ACLY: variants seen among roughly 807,000 people sequenced by gnomAD.
ACLY encodes the protein ATP citrate lyase.
ACLY carries 41 observed loss-of-function variants against 133.0 expected under a neutral mutation model. The observed-to-expected ratio is 0.31, with a 90% confidence interval of 0.24 to 0.40. The LOEUF is 0.40. Among genes scored for constraint, ACLY ranks in the 10% least tolerant of loss-of-function variants. ACLY has a pLI of 1.00. For missense variants in ACLY, 1,046 were observed against 1,453.8 expected, an observed-to-expected ratio of 0.72 and a Z score of 4.56; for synonymous variants, 495 against 549.3, an observed-to-expected ratio of 0.90 and a Z score of 1.38.
At chr17:41,904,208 AAAGG>A (rs2049628378) in intron 10 of ACLY, among the ~76,000 whole-genome samples, 1 of 74,512 alleles carries the variant, frequency 1.3e-5, no homozygotes, top group South Asian at 7.2e-4. Context: ...GGGAGGGAGG[AAAGG>A]AAGGGAGGGA....
chr17:41,892,035 C>G (rs369478134), intron 16 of ACLY, among the ~76,000 whole-genome samples: 2 of 152,118 alleles, frequency 1.3e-5, no homozygotes, highest in African/African-American at 2.4e-5. Flanking sequence ...AGATAAGCAG[C>G]CTCTGCCCAG....
At position 41,909,077 on chromosome 17, in the gene ACLY, G is replaced by A; in HGVS notation, c.537-9C>T. 9 of 1,607,190 alleles carry A rather than the reference G, an allele frequency of 5.6e-6. No individual in the cohort carries two copies. The highest frequency in any genetic ancestry group is 7.7e-6 in the Non-Finnish European group (9 of 1,176,244). ...TAAAACTGGCCAGAATTCTAGAGGT[G>A]GGAGGGAGAGAGGGACAGTTCATCC... On this transcript the variant is annotated splice_polypyrimidine_tract_variant and intron_variant, in intron 5 of 28. Transcript: ENST00000352035.
intron 22 of ACLY, among the ~76,000 whole-genome samples, chr17:41,874,814 C>T (rs1052154079): frequency 1.4e-5 from 2 of 142,760 alleles, no homozygotes; most frequent in African/African-American, 5.2e-5. Context: ...ACCTCATGAT[C>T]CGCCTGCCTC....
intron 1 of ACLY, among the ~76,000 whole-genome samples, chr17:41,924,292 G>A (rs1456787754): frequency 4.6e-5 from 7 of 151,582 alleles, no homozygotes; most frequent in Admixed American, 4.0e-4. Flanking sequence ...CTACAGGCAC[G>A]TGCCACCACA....
intron 13 of ACLY, among the ~76,000 whole-genome samples, chr17:41,897,454 C>CT (rs1318539940): frequency 6.6e-6 from 1 of 152,032 alleles, no homozygotes; most frequent in Admixed American, 6.6e-5. Context: ...TTCTGTAACC[C>CT]TATCTCCTCC....
intron 26 of ACLY, 31 bp downstream of exon 26, chr17:41,869,443 T>C (rs368520691): frequency 6.4e-7 from 1 of 1,563,956 alleles, no homozygotes; most frequent in African/African-American, 1.4e-5. Flanking sequence ...TTGTCCAACG[T>C]GAGGGAATTA....
chr17:41,887,257 G>A (rs1457720923), intron 17 of ACLY, among the ~76,000 whole-genome samples: 1 of 151,530 alleles, frequency 6.6e-6, no homozygotes, highest in African/African-American at 2.4e-5. Context: ...TGACCAACAT[G>A]GTGAAATCCC....
intron 25 of ACLY, among the ~76,000 whole-genome samples, chr17:41,871,352 T>C (rs1301374992): frequency 8.2e-6 from 1 of 122,430 alleles, no homozygotes. Context: ...TCCATCCCAC[T>C]TTTTTTTTTT....
At chr17:41,929,763 T>A (rs1265912141) in intron 1 of ACLY, among the ~76,000 whole-genome samples, 1 of 152,196 alleles carries the variant, frequency 6.6e-6, no homozygotes, top group East Asian at 1.9e-4. Context: ...TTTCTCCCAA[T>A]GGTAACATCC....
At chr17:41,867,943 A>G in intron 28 of ACLY, 39 bp from the exon 29 acceptor site, 11 of 1,467,230 alleles carry the variant, frequency 7.5e-6, no homozygotes, top group Non-Finnish European at 1.0e-5. Flanking sequence ...TTAGAGCTTC[A>G]TAAGCCTGGT....
chr17:41,876,305 C>T (rs1268456769), intron 22 of ACLY, among the ~76,000 whole-genome samples: 5 of 149,458 alleles, frequency 3.3e-5, no homozygotes, highest in Admixed American at 3.3e-4. Context: ...GGTCAGCCCC[C>T]CGCCCGGCCA....
chr17:41,895,350 T>C (rs558731831), intron 14 of ACLY, among the ~76,000 whole-genome samples: 2 of 152,296 alleles, frequency 1.3e-5, no homozygotes, highest in East Asian at 3.9e-4. Context: ...AAGCCTGGAA[T>C]CTACCAACCT....
At chr17:41,902,427 T>G (rs1322217571) in intron 10 of ACLY, among the ~76,000 whole-genome samples, 1 of 152,228 alleles carries the variant, frequency 6.6e-6, no homozygotes, top group Non-Finnish European at 1.5e-5. Context: ...TTGGTTAGGC[T>G]AATCTCAAAC....
chr17:41,909,708 G>C lies in ACLY; in HGVS notation c.346-8C>G. The C allele has an allele frequency of 6.2e-7, 1 of 1,613,642 alleles. No homozygotes were observed. The highest frequency in any genetic ancestry group is 8.5e-7 in the Non-Finnish European group (1 of 1,179,678). ...GACATAGAACTCCTCAGCCTTGCAG[G>C]TGAAGAGACAGGACAGTGGGATTGG... On this transcript the variant is annotated splice_polypyrimidine_tract_variant and splice_region_variant and intron_variant, in intron 4 of 28. Transcript: ENST00000352035.
intron 1 of ACLY, among the ~76,000 whole-genome samples, chr17:41,916,382 T>TG (rs144031491): frequency 0.11 from 15,725 of 139,472 alleles, 914 homozygotes; most frequent in Non-Finnish European, 0.12. Flanking sequence ...TGTTTTGTTT[T>TG]TTTTTTTTTG....
intron 4 of ACLY, 147 bp downstream of exon 4, chr17:41,910,075 G>T: frequency 1.3e-6 from 1 of 791,844 alleles, no homozygotes; most frequent in Non-Finnish European, 2.0e-6. Context: ...TCCCGAGTCC[G>T]CAGCACCCTC....
At chr17:41,898,982 A>G (rs2049449546) in intron 11 of ACLY, among the ~76,000 whole-genome samples, 197 bp from the exon 12 acceptor site, 1 of 152,190 alleles carries the variant, frequency 6.6e-6, no homozygotes, top group Admixed American at 6.5e-5. Context: ...TGATAACAAG[A>G]ACAAGAAACA....
rs551289831 is a variant in ACLY, at chr17:41,890,216, C to T, written c.1770+2063G>A. On this transcript the variant is annotated intron_variant, in intron 16 of 28. Coordinates refer to ENST00000352035, the MANE Select transcript of ACLY (RefSeq NM_001096.3). ...GAAAAGGGGGTAGATAAGGACATAC[C>T]GTCATAGCAGCAGTCATGTTTTTCT... Among the ~76,000 whole-genome samples, 10 of 152,172 alleles carry T rather than the reference C, an allele frequency of 6.6e-5. No homozygotes were observed. In the East Asian group the frequency reaches 1.7e-3, roughly 26 times the overall value.
At chr17:41,916,553 T>A (rs1555634551) in intron 1 of ACLY, among the ~76,000 whole-genome samples, 11 of 151,638 alleles carry the variant, frequency 7.3e-5, no homozygotes, top group Non-Finnish European at 1.6e-4. Flanking sequence ...TTTTTTGTAT[T>A]TTTAGTAGAG....
Sources: gnomAD v4.1 joint callset for allele counts (sites outside exome capture counted in the v4.1 genomes callset) on GRCh38, gnomAD v4.1.1 for gene constraint, MANE v1.5 for transcripts, NCBI Gene and HGNC (gene_info 2026-07-23, HGNC 2026-07-21) for gene names.